MISP: variants seen among roughly 807,000 people sequenced by gnomAD.
The protein encoded by MISP is mitotic interactor and substrate of PLK1.
In MISP, 51 loss-of-function variants were observed where a neutral mutation model predicts 49.3. The observed-to-expected ratio is 1.03, with a 90% CI of 0.83 to 1.31. The LOEUF (loss-of-function observed/expected upper bound fraction) is 1.31. Among genes scored for constraint, MISP ranks in the 50% most tolerant of loss-of-function variants. The probability of loss-of-function intolerance (pLI) is 0.00; values close to 1 mark genes in which losing one functional copy is unlikely to be tolerated. For missense variants in MISP, 1,084 were observed against 935.1 expected, an observed-to-expected ratio of 1.16 and a Z score of -2.08; for synonymous variants, 444 against 392.6, an observed-to-expected ratio of 1.13 and a Z score of -1.55.
rs979682131 is a variant in MISP at position 759,833 on chromosome 19, G to A, written c.1781-76G>A. 8 of 1,556,454 alleles carry A rather than the reference G, an allele frequency of 5.1e-6. No homozygotes were observed. In the East Asian group the frequency reaches 1.8e-4, roughly 35 times the overall value. On this transcript the variant is annotated intron_variant, in intron 2 of 4. Coordinates refer to ENST00000215582, the MANE Select transcript of MISP (RefSeq NM_173481.4). ...TGTCCATACATCTGTCTCCTTAGCT[G>A]CTGGCTAGAGACTCTGTCTCCCGAG...
rs138508960 is a variant in MISP, at chr19:757,185, G to T, written c.239G>T (p.Arg80Leu). The change falls in exon 2 of 5, where the codon CGG becomes CTG. Residue 80 changes from arginine to leucine, a missense_variant. Arg to Leu is a moderately radical substitution (Grantham distance 102). Transcript: ENST00000215582. ...VHAYTGQPSPRGLHSENREDE... is the reference protein window; with the variant it reads ...VHAYTGQPSPLGLHSENREDE... ...GCCTACACTGGCCAGCCGTCCCCAC[G>T]GGGGCTCCACTCGGAGAACAGGGAG... The T allele has an allele frequency of 1.9e-5, 30 of 1,613,360 alleles. No homozygotes were observed. The highest frequency in any genetic ancestry group is 2.5e-5 in the Non-Finnish European group (30 of 1,179,972).
chr19:750,070 C>T (rs1041158886), upstream of MISP, among the ~76,000 whole-genome samples: 69 of 152,188 alleles, frequency 4.5e-4, no homozygotes, highest in African/African-American at 1.6e-3. Flanking sequence ...GGGCTCCCCA[C>T]AGTCCCAGCA....
chr19:763,575 TGAG>T lies in MISP; in HGVS notation c.2031_2033del (p.Glu677del), dbSNP rs748969235. The T allele has an allele frequency of 6.2e-7, 1 of 1,613,708 alleles. No individual in the cohort carries two copies. Among genetic ancestry groups the T allele is most frequent in the Non-Finnish European group, 8.5e-7 (1 of 1,179,800 alleles). On this transcript the variant is annotated inframe_deletion, in exon 5 of 5. Coordinates refer to ENST00000215582, the MANE Select transcript of MISP (RefSeq NM_173481.4). The stretch of plus-strand genomic sequence containing the variant: ...GCTGGGAATCCCGCATCTACGCCAG[TGAG>T]GAGGATGACTGAGCCTCGGGATGGG...
upstream of MISP, among the ~76,000 whole-genome samples, chr19:750,083 G>A (rs549889247): frequency 6.6e-6 from 1 of 151,862 alleles, no homozygotes; most frequent in Non-Finnish European, 1.5e-5. Flanking sequence ...TCCCAGCAAG[G>A]CCTCTGCACC....
At chr19:761,542 A>G in intron 3 of MISP, 83 bp from the exon 4 acceptor site, 1 of 1,501,334 alleles carries the variant, frequency 6.7e-7, no homozygotes, top group Admixed American at 1.7e-5. Context: ...ATGGTGACAG[A>G]GAGGGCTGTG....
rs190674465 is a variant in MISP, at chr19:763,634, G to C, written c.*44G>C. On this transcript the variant is annotated 3_prime_UTR_variant, in exon 5 of 5. Transcript: ENST00000215582. ...CACCCCCTGCCCTGCCCTGACCCTC[G>C]TGGGAACTGCCAAGACCATCGCCAA... 1.4e-6 allele frequency: 2 copies of C among 1,449,718 alleles called. No homozygotes were observed. Among genetic ancestry groups the C allele is most frequent in the Admixed American group, 1.7e-5 (1 of 57,552 alleles). The allele number at this position is 1,449,718 out of a possible 1,614,324, so 89.8% of individuals were successfully genotyped here.
chr19:749,031 A>G (rs1017293992), upstream of MISP, among the ~76,000 whole-genome samples: 14 of 152,062 alleles, frequency 9.2e-5, no homozygotes, highest in African/African-American at 3.1e-4. Flanking sequence ...CTAGCTATTC[A>G]GGAGGCTGAG....
chr19:755,373 C>T (rs1049431895), intron 1 of MISP, among the ~76,000 whole-genome samples: 12 of 152,136 alleles, frequency 7.9e-5, no homozygotes, highest in South Asian at 4.1e-4. Flanking sequence ...AAGGCCCAGG[C>T]GGGGATGTTG....
At chr19:755,389 G>A (rs2144955811) in intron 1 of MISP, among the ~76,000 whole-genome samples, 1 of 152,342 alleles carries the variant, frequency 6.6e-6, no homozygotes, top group East Asian at 1.9e-4. Flanking sequence ...TGTTGTCTCA[G>A]ATGGGACGAG....
At chr19:762,653 AT>A (rs893648940) in intron 4 of MISP, among the ~76,000 whole-genome samples, 59 of 149,564 alleles carry the variant, frequency 3.9e-4, no homozygotes, top group African/African-American at 1.2e-3. Context: ...TTTTATTTTT[AT>A]TTTTTTTTAT....
At chr19:748,999 G>A (rs567775718), upstream of MISP, among the ~76,000 whole-genome samples, 224 of 152,364 alleles carry the variant, frequency 1.5e-3, no homozygotes, top group African/African-American at 5.2e-3. Context: ...TTAGCCGGGC[G>A]TGGTGGCTCA....
intron 4 of MISP, among the ~76,000 whole-genome samples, chr19:762,675 T>C (rs1248636380): frequency 2.0e-5 from 3 of 151,734 alleles, no homozygotes; most frequent in Non-Finnish European, 4.4e-5. Flanking sequence ...TTTTACTTTT[T>C]TGAGACAGGC....
chr19:749,946 C>T (rs2033434039), upstream of MISP, among the ~76,000 whole-genome samples: 2 of 152,100 alleles, frequency 1.3e-5, no homozygotes, highest in East Asian at 1.9e-4. Flanking sequence ...GCCCCTCTGG[C>T]GTAGGTCAGG....
In MISP at chr19:755,589, G is replaced by C. The variant is rs531510065; in HGVS notation, c.-57-1301G>C. Among the ~76,000 whole-genome samples the C allele has an allele frequency of 8.1e-4, 123 of 152,302 alleles. No homozygotes were observed. The South Asian group carries it at 0.011, about 14-fold the overall frequency. ...AGTGAGCTCAGGGTGGAAAGGCTCA[G>C]TGCACAGGAGACACAGATAAATATG... On this transcript the variant is annotated intron_variant, in intron 1 of 4. Coordinates refer to ENST00000215582, the MANE Select transcript of MISP (RefSeq NM_173481.4).
chr19:759,937 G>A lies in MISP; in HGVS notation c.1809G>A (p.Glu603=). Residue 603 remains glutamate (E), a synonymous_variant, in exon 3 of 5, where the codon GAG becomes GAA. Coordinates refer to ENST00000215582, the MANE Select transcript of MISP (RefSeq NM_173481.4). ...TCACGGGCAGTTACTCGGTGTCTGA[G>A]TCTCCCTTCTTCAGCCCCATCCACC... ...SGITGSYSVS[E]SPFFSPIHLH... is the part of the protein sequence containing the mutation. 1.2e-6 allele frequency: 2 copies of A among 1,614,102 alleles called. No homozygotes were observed. The highest frequency in any genetic ancestry group is 1.7e-4 in the Middle Eastern group (1 of 6,060).
intron 4 of MISP, among the ~76,000 whole-genome samples, chr19:762,903 T>G (rs2033696165): frequency 6.6e-6 from 1 of 152,052 alleles, no homozygotes; most frequent in Admixed American, 6.6e-5. Context: ...AATTCCTGCA[T>G]TCAAGGGATC....
intron 1 of MISP, among the ~76,000 whole-genome samples, chr19:752,002 G>A (rs955366700): frequency 6.6e-6 from 1 of 152,170 alleles, no homozygotes. Context: ...CAGAGTTCAG[G>A]GTGAGGCTGG....
chr19:749,947 G>A (rs1234044392), upstream of MISP, among the ~76,000 whole-genome samples: 2 of 152,128 alleles, frequency 1.3e-5, no homozygotes, highest in Admixed American at 6.5e-5. Context: ...CCCCTCTGGC[G>A]TAGGTCAGGA....
In MISP at chr19:760,007, G is replaced by A; in HGVS notation, c.1879G>A (p.Ala627Thr). The change falls in exon 3 of 5, where the codon GCT (alanine) becomes ACT (threonine). Residue 627 changes from alanine (A) to threonine (T), a missense_variant. Ala to Thr is a moderately conservative substitution (Grantham distance 58). Coordinates refer to ENST00000215582, the MANE Select transcript of MISP (RefSeq NM_173481.4). ...AWTVEDPVDS[A>T]PPGQRKKEQW... The stretch of plus-strand genomic sequence containing the variant: ...GACAGTGGAAGATCCAGTGGACAGT[G>A]CTCCTCCCGGGCAGAGAAAGAAGGA... 2 of 1,613,990 alleles carry A rather than the reference G, an allele frequency of 1.2e-6. No individual in the cohort carries two copies. Among genetic ancestry groups the A allele is most frequent in the Non-Finnish European group, 1.7e-6 (2 of 1,179,924 alleles).
Sources: allele counts gnomAD v4.1 joint callset (sites outside exome capture counted in the v4.1 genomes callset), GRCh38; gene constraint gnomAD v4.1.1; transcripts MANE v1.5; gene names NCBI Gene and HGNC (gene_info 2026-07-23, HGNC 2026-07-21).